SFMBT2: variants seen among roughly 807,000 people sequenced by gnomAD.
SFMBT2 encodes Scm like with four mbt domains 2, also known as scm-like with four MBT domains protein 2.
Under a neutral mutation model 110.1 loss-of-function variants are expected in SFMBT2, and 38 were observed. The observed-to-expected ratio is 0.35, with a 90% CI of 0.27 to 0.45. The LOEUF (loss-of-function observed/expected upper bound fraction) is 0.45. Ranked by LOEUF, SFMBT2 falls within the 20% of genes least tolerant of loss-of-function variation. The pLI is 1.00. For missense variants in SFMBT2, 1,011 were observed against 1,094.9 expected, an observed-to-expected ratio of 0.92 and a Z score of 1.08; for synonymous variants, 425 against 425.4, an observed-to-expected ratio of 1.00 and a Z score of 0.01.
intron 4 of SFMBT2, among the ~76,000 whole-genome samples, chr10:7,311,896 C>A (rs1043772130): frequency 6.6e-5 from 10 of 152,170 alleles, no homozygotes; most frequent in African/African-American, 1.7e-4. Flanking sequence ...CAAATTCTTT[C>A]TTTTCACTCT....
intron 1 of SFMBT2, among the ~76,000 whole-genome samples, chr10:7,395,995 G>A (rs1311773642): frequency 6.6e-6 from 1 of 152,122 alleles, no homozygotes; most frequent in African/African-American, 2.4e-5. Context: ...AGCACTTTGG[G>A]AGGCTAAGGC....
At chr10:7,377,818 T>C (rs576120154) in intron 2 of SFMBT2, among the ~76,000 whole-genome samples, 9 of 152,256 alleles carry the variant, frequency 5.9e-5, no homozygotes, top group Admixed American at 2.0e-4. Flanking sequence ...TAACAGCCCA[T>C]GGACCAGTAC....
intron 4 of SFMBT2, among the ~76,000 whole-genome samples, chr10:7,290,526 A>G (rs550004670): frequency 3.3e-5 from 5 of 152,184 alleles, no homozygotes; most frequent in African/African-American, 1.2e-4. Flanking sequence ...AATCCCACAA[A>G]TGCTTTATTA....
rs1837481409 is a variant in SFMBT2 at position 7,158,942 on chromosome 10, T to C, written c.*4828A>G. 1 of 152,186 alleles carries C rather than the reference T, an allele frequency of 6.6e-6. No individual in the cohort carries two copies. The highest frequency in any genetic ancestry group is 6.5e-5 in the Admixed American group (1 of 15,268). 9.4% of individuals were successfully genotyped at this position (152,186 alleles called of 1,614,324 possible). ...AGCTTTCAACAATCACGACGAGGGA[T>C]AGTTGATGCTTCCAGAGATCATGCT... On this transcript the variant is annotated 3_prime_UTR_variant, in exon 21 of 21. Transcript: ENST00000397167.
intron 13 of SFMBT2, among the ~76,000 whole-genome samples, chr10:7,202,083 C>CT (rs1263903616): frequency 1.3e-5 from 2 of 152,196 alleles, no homozygotes; most frequent in African/African-American, 4.8e-5. Context: ...GCCTGGGCTA[C>CT]TCTAGGAGAG....
intron 4 of SFMBT2, among the ~76,000 whole-genome samples, chr10:7,335,098 A>T (rs1843676825): frequency 6.6e-6 from 1 of 152,204 alleles, no homozygotes; most frequent in Admixed American, 6.5e-5. Flanking sequence ...ATAGTGGTCA[A>T]ATTCATAGAA....
chr10:7,179,040 G>C (rs562680140), intron 16 of SFMBT2, among the ~76,000 whole-genome samples: 1 of 151,058 alleles, frequency 6.6e-6, no homozygotes. Flanking sequence ...TTTTTTTAAA[G>C]TATCAACGGC....
chr10:7,349,964 C>T (rs1415431831), intron 4 of SFMBT2, among the ~76,000 whole-genome samples: 3 of 152,170 alleles, frequency 2.0e-5, no homozygotes, highest in African/African-American at 4.8e-5. Flanking sequence ...AATAAGGCTA[C>T]GTCAGCACCT....
intron 4 of SFMBT2, among the ~76,000 whole-genome samples, chr10:7,343,360 C>T (rs1843990644): frequency 6.6e-6 from 1 of 152,126 alleles, no homozygotes; most frequent in African/African-American, 2.4e-5. Context: ...CACACACGTG[C>T]ATGTGTCTTT....
intron 7 of SFMBT2, among the ~76,000 whole-genome samples, chr10:7,256,679 T>C (rs1217320129): frequency 1.3e-5 from 2 of 152,240 alleles, no homozygotes; most frequent in Non-Finnish European, 2.9e-5. Flanking sequence ...ATGTTATCGA[T>C]GTTAACCAAG....
At position 7,172,101 on chromosome 10, in the gene SFMBT2, C is replaced by A. The variant is rs758007521; in HGVS notation, c.2209G>T (p.Gly737Cys). 5 of 1,603,560 alleles carry A rather than the reference C, an allele frequency of 3.1e-6. No homozygotes were observed. The South Asian group carries it at 4.4e-5, about 14-fold the overall frequency. Residue 737 changes from glycine to cysteine, a missense_variant, in exon 19 of 21, where the codon GGC (glycine) becomes TGC (cysteine). Gly to Cys is a radical substitution (Grantham distance 159, BLOSUM62 -3). Around this residue, in one of 2 missense-constraint regions of SFMBT2, gnomAD observed 979 missense variants for 1,016.1 expected, o/e 0.96. Transcript: ENST00000397167. The surrounding 1 kb of genome is among the most constrained non-coding windows in gnomAD (Gnocchi z 4.6). ...MDDDTASEETGSELRDDQTDT... is the reference protein window; with the variant it reads ...MDDDTASEETCSELRDDQTDT... Reference sequence around the variant, plus strand: ...GTCTGGTCATCCCGGAGCTCGGAGCCGGTCTCCTCACTGGCGGTGTCATCG... The same window carrying A: ...GTCTGGTCATCCCGGAGCTCGGAGCAGGTCTCCTCACTGGCGGTGTCATCG...
chr10:7,175,488 C>G lies in SFMBT2; in HGVS notation c.1984+502G>C, dbSNP rs148469681. 6.8e-3 allele frequency among the ~76,000 whole-genome samples: 1,032 copies of G among 152,252 alleles called. 10 individuals carry two copies. The highest frequency in any genetic ancestry group is 0.012 in the Admixed American group (179 of 15,294). ...GCAGAAAAGAAAGTGATGGTGGCTT[C>G]TGAGTCCTCCATGGCTCTCTTCAGT... is the stretch of plus-strand genomic sequence containing the variant. On this transcript the variant is annotated intron_variant, in intron 17 of 20. Transcript: ENST00000397167.
At chr10:7,286,496 C>T (rs754180503) in intron 4 of SFMBT2, 16 of 297,656 alleles carry the variant, frequency 5.4e-5, no homozygotes, top group Non-Finnish European at 7.4e-5. Context: ...TTCCCCATCC[C>T]TGGGTTCAAT....
At chr10:7,202,734 G>T in intron 12 of SFMBT2, 1 of 985,312 alleles carries the variant, frequency 1.0e-6, no homozygotes, top group Non-Finnish European at 1.2e-6. Flanking sequence ...GTACAACTTC[G>T]TTCATTTAAT....
rs548236274 is a variant in SFMBT2, at chr10:7,245,369, C to T, written c.973-1664G>A. Reference sequence around the variant, plus strand: ...GCATATATACACATACACACACATACGTATATAAAGAGCATGTGATTTTGG... The same window carrying T: ...GCATATATACACATACACACACATATGTATATAAAGAGCATGTGATTTTGG... On this transcript the variant is annotated intron_variant, in intron 8 of 20. Coordinates refer to ENST00000397167, the MANE Select transcript of SFMBT2 (RefSeq NM_001387889.1). 5.9e-5 allele frequency among the ~76,000 whole-genome samples: 9 copies of T among 152,208 alleles called. No homozygotes were observed. In the South Asian group the frequency reaches 8.3e-4, roughly 14 times the overall value.
At chr10:7,342,367 C>G (rs961469939) in intron 4 of SFMBT2, among the ~76,000 whole-genome samples, 1 of 137,320 alleles carries the variant, frequency 7.3e-6, no homozygotes, top group African/African-American at 2.7e-5. Flanking sequence ...GGAGAGCCTA[C>G]AGAATTTAGG....
chr10:7,375,592 G>A (rs1263702739), intron 2 of SFMBT2, among the ~76,000 whole-genome samples: 1 of 152,110 alleles, frequency 6.6e-6, no homozygotes, highest in Non-Finnish European at 1.5e-5. Context: ...GGAAGCATCT[G>A]TGCAAACAAC....
chr10:7,331,816 C>T (rs1007018720), intron 4 of SFMBT2, among the ~76,000 whole-genome samples: 1 of 151,962 alleles, frequency 6.6e-6, no homozygotes, highest in Non-Finnish European at 1.5e-5. Context: ...TCAGCCTGGT[C>T]AACATGGTGA....
rs377470464 is a variant in SFMBT2, at chr10:7,381,961, CAA to C, written c.-51-14_-51-13del. The C allele has an allele frequency of 1.5e-3, 1,481 of 1,014,988 alleles. No individual in the cohort carries two copies. Among genetic ancestry groups the C allele is most frequent in the South Asian group, 2.9e-3 (124 of 42,288 alleles). 62.9% of individuals were successfully genotyped at this position (1,014,988 alleles called of 1,614,324 possible). On this transcript the variant is annotated splice_polypyrimidine_tract_variant and intron_variant, in intron 1 of 20. Transcript: ENST00000397167. ...GCAGAAAAAATTACCTAAGAGCAAT[CAA>C]AAAAAAAAAAATCAGAGCAGTTTAA... is the stretch of plus-strand genomic sequence containing the variant.
Sources: allele counts gnomAD v4.1 joint callset (sites outside exome capture counted in the v4.1 genomes callset), GRCh38; gene constraint gnomAD v4.1.1; regional missense constraint gnomAD v4.1.1; non-coding constraint Gnocchi (gnomAD v3.1); transcripts MANE v1.5; gene names NCBI Gene and HGNC (gene_info 2026-07-23, HGNC 2026-07-21).